ASXL3: variants seen among roughly 807,000 people sequenced by gnomAD.
ASXL3 encodes putative Polycomb group protein ASXL3.
Under a neutral mutation model 170.6 loss-of-function variants are expected in ASXL3, and 34 were observed. That is an observed-to-expected ratio of 0.20 (90% CI 0.15 to 0.27). The LOEUF is 0.27. Among genes scored for constraint, ASXL3 ranks in the 10% least tolerant of loss-of-function variants. The pLI, the probability that ASXL3 is intolerant of heterozygous loss-of-function variation, is 1.00. For synonymous variants in ASXL3, 1,002 were observed against 989.1 expected (o/e 1.01, Z -0.24); for missense variants, 2,592 against 2,695.3 (o/e 0.96, Z 0.85).
At chr18:33,673,498 T>G (rs186196975) in intron 7 of ASXL3, among the ~76,000 whole-genome samples, 2,645 of 151,894 alleles carry the variant, frequency 0.017, 43 homozygotes, top group Non-Finnish European at 0.026. Context: ...CTCAGCCTCC[T>G]GAGTAGCTGA....
intron 8 of ASXL3, among the ~76,000 whole-genome samples, chr18:33,690,886 T>C (rs528231978): frequency 6.6e-6 from 1 of 152,272 alleles, no homozygotes; most frequent in East Asian, 1.9e-4. Flanking sequence ...CACATCAGGC[T>C]ACTCCTCAGT....
chr18:33,640,439 C>CA (rs1435374977), intron 2 of ASXL3, among the ~76,000 whole-genome samples: 1 of 151,970 alleles, frequency 6.6e-6, no homozygotes, highest in African/African-American at 2.4e-5. Context: ...ACTGAGTTGT[C>CA]AGTTGATGTA....
At position 33,713,234 on chromosome 18, in the gene ASXL3, TTTTGTTTTGTTTTG is replaced by T. The variant is rs1254481156; in HGVS notation, c.880-18730_880-18717del. 1.7e-3 allele frequency among the ~76,000 whole-genome samples: 118 copies of T among 68,400 alleles called. 27 individuals carry two copies. The East Asian group carries it at 0.03, about 17-fold the overall frequency. 44.9% of individuals were successfully genotyped at this position (68,400 alleles called of 152,430 possible). A position where few individuals can be genotyped will look rare whatever the true frequency, so the allele number is the denominator to read the frequency against. On this transcript the variant is annotated intron_variant, in intron 8 of 11. Coordinates refer to ENST00000269197, the MANE Select transcript of ASXL3 (RefSeq NM_030632.3). ...TAGCAATCTACCACAAGAAGGTTTT[TTTTGTTTTGTTTTG>T]TTTTTTTTTTTTTTTTTTTTTTTTT...
intron 8 of ASXL3, among the ~76,000 whole-genome samples, chr18:33,710,748 C>T (rs1184236076): frequency 6.6e-6 from 1 of 152,074 alleles, no homozygotes; most frequent in Non-Finnish European, 1.5e-5. Context: ...TCTTTTACTT[C>T]TTTCAAACAA....
chr18:33,646,882 G>A (rs1471452410), intron 4 of ASXL3, among the ~76,000 whole-genome samples: 1 of 100,508 alleles, frequency 9.9e-6, no homozygotes. Flanking sequence ...AGGGGGAGCG[G>A]GGGGGGGGGG....
In ASXL3 at chr18:33,700,052, T is replaced by G. The variant is rs2066844638; in HGVS notation, c.879+16484T>G. ...AGTTAGAGAAGAAAGAAGTTGAGAA[T>G]GCAGACTTGTCTTTTAGTAAATTTG... On this transcript the variant is annotated intron_variant, in intron 8 of 11. Coordinates refer to ENST00000269197, the MANE Select transcript of ASXL3 (RefSeq NM_030632.3). Among the ~76,000 whole-genome samples, 3 of 152,094 alleles carry G rather than the reference T, an allele frequency of 2.0e-5. No homozygotes were observed. The South Asian group carries it at 6.2e-4, about 31-fold the overall frequency.
intron 2 of ASXL3, among the ~76,000 whole-genome samples, chr18:33,640,725 T>G (rs888400402): frequency 2.0e-5 from 3 of 152,080 alleles, no homozygotes; most frequent in Admixed American, 2.0e-4. Context: ...AGCTAACATT[T>G]GAGATGCTTG....
At chr18:33,672,505 A>G (rs73422886) in intron 7 of ASXL3, among the ~76,000 whole-genome samples, 12,449 of 152,258 alleles carry the variant, frequency 0.082, 582 homozygotes, top group African/African-American at 0.1. Context: ...TAGAAAGACA[A>G]AAATAAACAT....
intron 2 of ASXL3, among the ~76,000 whole-genome samples, chr18:33,622,604 G>A (rs2065532266): frequency 6.6e-6 from 1 of 152,224 alleles, no homozygotes; most frequent in Admixed American, 6.6e-5. Context: ...TATGAGTTAT[G>A]AGATAGCTGT....
At chr18:33,637,479 T>G (rs2065785585) in intron 2 of ASXL3, among the ~76,000 whole-genome samples, 2 of 152,068 alleles carry the variant, frequency 1.3e-5, no homozygotes, top group African/African-American at 4.8e-5. Context: ...ACAGAACAGA[T>G]TCTGGAAATG....
At chr18:33,593,038 A>G (rs955249820) in intron 1 of ASXL3, among the ~76,000 whole-genome samples, 9 of 152,058 alleles carry the variant, frequency 5.9e-5, no homozygotes, top group South Asian at 2.1e-4. Flanking sequence ...GAGTAGAACA[A>G]TCGTTGTAAA....
In ASXL3 at chr18:33,639,437, G is replaced by A. The variant is rs181120448; in HGVS notation, c.138-5457G>A. On this transcript the variant is annotated intron_variant, in intron 2 of 11. Coordinates refer to ENST00000269197, the MANE Select transcript of ASXL3 (RefSeq NM_030632.3). ...ATAGCATGTCATGGCATGTGTAATTGTAGAGGAACAATTGTCAGTGTCTAG... is the reference window on the plus strand; with the variant it reads ...ATAGCATGTCATGGCATGTGTAATTATAGAGGAACAATTGTCAGTGTCTAG... Among the ~76,000 whole-genome samples, 30 of 152,222 alleles carry A rather than the reference G, an allele frequency of 2.0e-4. No individual in the cohort carries two copies. In the East Asian group the frequency reaches 3.7e-3, roughly 19 times the overall value.
intron 1 of ASXL3, among the ~76,000 whole-genome samples, chr18:33,589,380 A>G (rs2065060187): frequency 1.3e-5 from 2 of 152,148 alleles, no homozygotes; most frequent in South Asian, 4.1e-4. Flanking sequence ...CTGACTCTAG[A>G]CTTGCCTTCA....
intron 2 of ASXL3, among the ~76,000 whole-genome samples, chr18:33,617,266 C>T (rs1200404412): frequency 4.6e-5 from 7 of 151,880 alleles, no homozygotes; most frequent in South Asian, 2.1e-4. Flanking sequence ...CTGGGGTGGG[C>T]GTATTGCTTA....
At chr18:33,605,595 G>A (rs952325954) in intron 1 of ASXL3, 4 of 152,142 alleles carry the variant, frequency 2.6e-5, no homozygotes, top group Admixed American at 1.3e-4. Flanking sequence ...TCAATTGCTG[G>A]GAGGAGCTGC....
Position 33,745,676 on chromosome 18 carries a change from C to T in ASXL3, c.5828C>T (p.Pro1943Leu), listed in dbSNP as rs931545423. 1.2e-6 allele frequency: 2 copies of T among 1,613,904 alleles called. No homozygotes were observed. Among genetic ancestry groups the T allele is most frequent in the African/African-American group, 1.3e-5 (1 of 74,922 alleles). Residue 1943 changes from proline (P) to leucine (L), a missense_variant, in exon 12 of 12, where the codon CCT (proline) becomes CTT (leucine). Physicochemically the swap from Pro to Leu is moderately conservative, Grantham distance 98. This residue lies in a region of ASXL3 where 2,246 missense variants were observed against 2,219.6 expected (regional missense o/e 1.01). Transcript: ENST00000269197. ...QMPVAARGPI[P>L]TAALLQASSK... ...CCTGTGGCTGCCAGGGGCCCCATTC[C>T]TACTGCAGCTCTGTTACAGGCCTCT...
chr18:33,636,617 G>T (rs1463026414), intron 2 of ASXL3, among the ~76,000 whole-genome samples: 2 of 152,120 alleles, frequency 1.3e-5, no homozygotes, highest in Non-Finnish European at 2.9e-5. Context: ...TGATGCATCA[G>T]TCATGGGTAC....
At position 33,671,772 on chromosome 18, in the gene ASXL3, A is replaced by G. The variant is rs201134613; in HGVS notation, c.621A>G (p.Ala207=). The change falls in exon 7 of 12, where the codon GCA becomes GCG. Residue 207 remains alanine (A), a synonymous_variant. Transcript: ENST00000269197. ...GATCTGAATCTAAAAATGGTGAAGC[A>G]GACAGTTCAGATAAAGAAATGAAAC... ...PSGSESKNGE[A]DSSDKEMKHG... The G allele has an allele frequency of 1.2e-6, 2 of 1,609,198 alleles. No homozygotes were observed. Among genetic ancestry groups the G allele is most frequent in the South Asian group, 1.1e-5 (1 of 90,106 alleles).
intron 8 of ASXL3, among the ~76,000 whole-genome samples, chr18:33,724,589 G>A (rs62092435): frequency 0.037 from 5,635 of 152,098 alleles, 124 homozygotes; most frequent in Non-Finnish European, 0.043. Context: ...ACTGATGGTT[G>A]TTCTGTGAGA....
Sources: gnomAD v4.1 joint callset for allele counts (sites outside exome capture counted in the v4.1 genomes callset) on GRCh38, gnomAD v4.1.1 for gene constraint, gnomAD v4.1.1 regional missense constraint, MANE v1.5 for transcripts, NCBI Gene and HGNC (gene_info 2026-07-23, HGNC 2026-07-21) for gene names.